CACNB4: variants seen among roughly 807,000 people sequenced by gnomAD.
CACNB4 encodes voltage-dependent L-type calcium channel subunit beta-4.
A neutral mutation model predicts 71.2 loss-of-function variants in CACNB4; 32 were observed. That is an observed-to-expected ratio of 0.45 (90% CI 0.34 to 0.60). The LOEUF (loss-of-function observed/expected upper bound fraction) is 0.60, where lower values mean the gene tolerates loss of function less well. Among genes scored for constraint, CACNB4 ranks in the 20% least tolerant of loss-of-function variants. The pLI is 0.01. For synonymous variants in CACNB4, 231 were observed against 236.9 expected, an observed-to-expected ratio of 0.97 and a Z score of 0.23; for missense variants, 464 against 647.9, an observed-to-expected ratio of 0.72 and a Z score of 3.08.
Position 151,998,262 on chromosome 2 carries a change from T to C in CACNB4, c.147+100068A>G, listed in dbSNP as rs563001045. 1.2e-3 allele frequency among the ~76,000 whole-genome samples: 171 copies of C among 144,722 alleles called. 1 individual carries two copies. Among genetic ancestry groups the C allele is most frequent in the African/African-American group, 4.4e-3 (166 of 37,666 alleles). 94.9% of individuals were successfully genotyped at this position (144,722 alleles called of 152,430 possible). ...ATCGCTTGAACTCAGGAGGCGTAGG[T>C]TGTGGTGAGTGGAGATGGTGCCACT... On this transcript the variant is annotated intron_variant, in intron 2 of 13. Transcript: ENST00000539935.
At chr2:151,923,646 T>C (rs1423193194) in intron 2 of CACNB4, among the ~76,000 whole-genome samples, 2 of 152,168 alleles carry the variant, frequency 1.3e-5, no homozygotes, top group East Asian at 1.9e-4. Flanking sequence ...AGAATTCTAA[T>C]GGGAAACGTT....
intron 2 of CACNB4, among the ~76,000 whole-genome samples, chr2:151,907,978 C>G (rs149350487): frequency 3.5e-4 from 53 of 152,288 alleles, no homozygotes; most frequent in Middle Eastern, 3.4e-3. Context: ...AAAAGGGTCA[C>G]AGGAGGATTG....
At chr2:151,856,154 T>TTG (rs2099840261) in intron 10 of CACNB4, among the ~76,000 whole-genome samples, 1 of 150,980 alleles carries the variant, frequency 6.6e-6, no homozygotes, top group African/African-American at 2.4e-5. Flanking sequence ...CAATCCAGTT[T>TTG]TTTTTTTTTT....
At chr2:151,935,257 T>G (rs1173625971) in intron 2 of CACNB4, among the ~76,000 whole-genome samples, 1 of 152,254 alleles carries the variant, frequency 6.6e-6, no homozygotes, top group Non-Finnish European at 1.5e-5. Context: ...ATCAGAGACC[T>G]TGATTTAAAT....
At chr2:152,013,816 G>A (rs979312672) in intron 2 of CACNB4, among the ~76,000 whole-genome samples, 2 of 152,296 alleles carry the variant, frequency 1.3e-5, no homozygotes, top group African/African-American at 4.8e-5. Flanking sequence ...GCCTTCCTTC[G>A]GAAGAATGTA....
At chr2:151,982,836 C>T (rs947711906) in intron 2 of CACNB4, among the ~76,000 whole-genome samples, 22 of 152,182 alleles carry the variant, frequency 1.4e-4, no homozygotes, top group Admixed American at 7.8e-4. Context: ...TCTTGTTGAG[C>T]GGCTCAACCT....
At chr2:151,976,675 C>T (rs916772667) in intron 2 of CACNB4, among the ~76,000 whole-genome samples, 5 of 152,190 alleles carry the variant, frequency 3.3e-5, no homozygotes, top group African/African-American at 9.7e-5. Flanking sequence ...CCCAGTGAGA[C>T]GCTCAGCTCT....
chr2:152,027,408 T>C (rs1162813610), intron 2 of CACNB4, among the ~76,000 whole-genome samples: 1 of 152,210 alleles, frequency 6.6e-6, no homozygotes, highest in Non-Finnish European at 1.5e-5. Context: ...TGTAATTAGA[T>C]AGATTTTAAA....
chr2:151,948,616 G>A (rs543451023), intron 2 of CACNB4, among the ~76,000 whole-genome samples: 22 of 151,976 alleles, frequency 1.4e-4, no homozygotes, highest in South Asian at 2.1e-4. Context: ...AGCCAAGATC[G>A]TGCCACTGCA....
In CACNB4 at chr2:152,070,806, T is replaced by C. The variant is rs559420058; in HGVS notation, c.147+27524A>G. Among the ~76,000 whole-genome samples, 11 of 152,290 alleles carry C rather than the reference T, an allele frequency of 7.2e-5. No homozygotes were observed. In the South Asian group the frequency reaches 2.3e-3, roughly 32 times the overall value. ...ATTTTGAGGCAGAGTCTCACTCTAT[T>C]GCCCAGGCTGGAGTGCAGTGGCACA... On this transcript the variant is annotated intron_variant, in intron 2 of 13. Coordinates refer to ENST00000539935, the MANE Select transcript of CACNB4 (RefSeq NM_000726.5).
intron 2 of CACNB4, among the ~76,000 whole-genome samples, chr2:152,046,474 T>G (rs1168256639): frequency 1.3e-5 from 2 of 152,246 alleles, no homozygotes; most frequent in African/African-American, 4.8e-5. Flanking sequence ...TCAACTTGAC[T>G]GCTGCAAACA....
intron 2 of CACNB4, among the ~76,000 whole-genome samples, chr2:152,020,622 A>C (rs1223588600): frequency 6.6e-6 from 1 of 152,206 alleles, no homozygotes; most frequent in Non-Finnish European, 1.5e-5. Flanking sequence ...TCAGAATGGG[A>C]TGTACTTTGG....
intron 2 of CACNB4, among the ~76,000 whole-genome samples, chr2:152,085,517 G>A (rs1247701948): frequency 1.3e-5 from 2 of 152,100 alleles, no homozygotes; most frequent in African/African-American, 2.4e-5. Context: ...TCTGGGGGCA[G>A]AACTACCCCT....
chr2:152,096,188 A>G (rs1455871230), intron 2 of CACNB4, among the ~76,000 whole-genome samples: 1 of 152,174 alleles, frequency 6.6e-6, no homozygotes, highest in African/African-American at 2.4e-5. Flanking sequence ...TAAAGTGCTC[A>G]TAAAAATTAA....
chr2:152,069,886 A>C (rs1313936549), intron 2 of CACNB4, among the ~76,000 whole-genome samples: 1 of 123,896 alleles, frequency 8.1e-6, no homozygotes, highest in Non-Finnish European at 1.6e-5. Context: ...TCAGTCGCCC[A>C]GGCTGGAGGG....
At chr2:152,048,006 G>C (rs550931710) in intron 2 of CACNB4, among the ~76,000 whole-genome samples, 1 of 152,196 alleles carries the variant, frequency 6.6e-6, no homozygotes, top group East Asian at 1.9e-4. Context: ...TGCCACAAAC[G>C]CCTAACTTTC....
At chr2:151,918,544 C>T (rs2099858129) in intron 2 of CACNB4, among the ~76,000 whole-genome samples, 1 of 152,194 alleles carries the variant, frequency 6.6e-6, no homozygotes, top group Non-Finnish European at 1.5e-5. Flanking sequence ...AGGGCACTTC[C>T]CTGATCAGAG....
chr2:151,948,310 C>T (rs2099866077), intron 2 of CACNB4, among the ~76,000 whole-genome samples: 1 of 152,196 alleles, frequency 6.6e-6, no homozygotes, highest in South Asian at 2.1e-4. Context: ...AGGCAGAAGA[C>T]AGCCACTCCC....
chr2:152,029,862 A>C (rs1684185171), intron 2 of CACNB4, among the ~76,000 whole-genome samples: 1 of 152,178 alleles, frequency 6.6e-6, no homozygotes, highest in African/African-American at 2.4e-5. Flanking sequence ...GCAGACACCA[A>C]ATCTACCAAC....
Sources: allele counts gnomAD v4.1 joint callset (sites outside exome capture counted in the v4.1 genomes callset), GRCh38; gene constraint gnomAD v4.1.1; transcripts MANE v1.5; gene names NCBI Gene and HGNC (gene_info 2026-07-23, HGNC 2026-07-21).